PTPRD: variants seen among roughly 807,000 people sequenced by gnomAD.
PTPRD encodes the protein protein tyrosine phosphatase receptor type D, also known as receptor-type tyrosine-protein phosphatase delta.
A neutral mutation model predicts 214.5 loss-of-function variants in PTPRD; 34 were observed. The ratio of observed to expected loss-of-function variants is 0.16; its 90% CI spans 0.12 to 0.21. The LOEUF is 0.21. PTPRD is among the 10% of genes least tolerant of loss of function. The probability of loss-of-function intolerance (pLI) is 1.00; values close to 1 mark genes in which losing one functional copy is unlikely to be tolerated. For missense variants in PTPRD, 2,545 were observed against 2,398.7 expected (o/e 1.06, Z -1.27); for synonymous variants, 1,128 against 845.7 (o/e 1.33, Z -5.79).
intron 43 of PTPRD, among the ~76,000 whole-genome samples, chr9:8,334,027 C>G (rs2131849652): frequency 6.6e-6 from 1 of 152,200 alleles, no homozygotes; most frequent in East Asian, 1.9e-4. Flanking sequence ...CACCCAGATT[C>G]ATAAAATAAA....
Position 8,947,004 on chromosome 9 carries a change from GTC to G in PTPRD, c.-104+71691_-104+71692del, listed in dbSNP as rs2099069070. Among the ~76,000 whole-genome samples the G allele has an allele frequency of 4.0e-5, 5 of 125,408 alleles. No homozygotes were observed. In the South Asian group the frequency reaches 1.3e-3, roughly 34 times the overall value. 82.3% of individuals were successfully genotyped at this position (125,408 alleles called of 152,430 possible). On this transcript the variant is annotated intron_variant, in intron 11 of 45. Coordinates refer to ENST00000381196, the MANE Select transcript of PTPRD (RefSeq NM_002839.4). ...TTTCTTTCTCAAGCTTTCTATCTCT[GTC>G]TCTCTGTATTTTTTTTTCTTTTCTT...
intron 2 of PTPRD, among the ~76,000 whole-genome samples, chr9:10,510,619 A>G (rs1316042170): frequency 6.6e-6 from 1 of 152,142 alleles, no homozygotes; most frequent in Non-Finnish European, 1.5e-5. Context: ...AGTACACATT[A>G]TATTTTAACA....
intron 8 of PTPRD, among the ~76,000 whole-genome samples, chr9:9,558,492 T>G (rs574850646): frequency 5.9e-5 from 9 of 152,276 alleles, no homozygotes; most frequent in South Asian, 4.1e-4. Context: ...CCATACAAAC[T>G]TTGGGTACAC....
intron 11 of PTPRD, among the ~76,000 whole-genome samples, chr9:8,808,555 G>C (rs1019795261): frequency 7.1e-6 from 1 of 141,770 alleles, no homozygotes; most frequent in Non-Finnish European, 1.5e-5. Flanking sequence ...AAAGCCCAGA[G>C]ACACTCAATA....
chr9:10,410,270 T>C (rs140437203), intron 2 of PTPRD, among the ~76,000 whole-genome samples: 3,239 of 139,826 alleles, frequency 0.023, 118 homozygotes, highest in East Asian at 0.084. Context: ...TATATATATA[T>C]ACACACACAC....
chr9:9,422,625 G>A (rs532129385), intron 8 of PTPRD, among the ~76,000 whole-genome samples: 2 of 152,118 alleles, frequency 1.3e-5, no homozygotes, highest in Non-Finnish European at 2.9e-5. Flanking sequence ...TAGAGACAGT[G>A]ATGTCAGATA....
intron 7 of PTPRD, among the ~76,000 whole-genome samples, chr9:9,681,294 T>A (rs1349695099): frequency 6.6e-6 from 1 of 151,748 alleles, no homozygotes; most frequent in Non-Finnish European, 1.5e-5. Flanking sequence ...GTTTGTCTCA[T>A]CAACTCTGTG....
chr9:9,308,865 A>G (rs1411244452), intron 9 of PTPRD, among the ~76,000 whole-genome samples: 1 of 152,164 alleles, frequency 6.6e-6, no homozygotes, highest in East Asian at 1.9e-4. Flanking sequence ...GCTGGTTAAT[A>G]AGCATTAGAG....
chr9:8,942,811 A>T (rs568204546), intron 11 of PTPRD, among the ~76,000 whole-genome samples: 42 of 152,116 alleles, frequency 2.8e-4, no homozygotes, highest in Admixed American at 7.2e-4. Context: ...ACAATTTTTT[A>T]AAAAAAATTT....
At chr9:8,414,077 T>C (rs1246094784) in intron 35 of PTPRD, among the ~76,000 whole-genome samples, 1 of 152,158 alleles carries the variant, frequency 6.6e-6, no homozygotes, top group Non-Finnish European at 1.5e-5. Flanking sequence ...TAAGATACAT[T>C]ACAGGTAGGA....
At chr9:9,985,665 T>C (rs1304374154) in intron 4 of PTPRD, among the ~76,000 whole-genome samples, 1 of 152,094 alleles carries the variant, frequency 6.6e-6, no homozygotes, top group Non-Finnish European at 1.5e-5. Context: ...TTCATTATTT[T>C]ATGAAACAAT....
rs117176566 is a variant in PTPRD, at chr9:9,770,324, T to C, written c.-367-3473A>G. 8.0e-4 allele frequency among the ~76,000 whole-genome samples: 122 copies of C among 152,322 alleles called. 1 individual carries two copies. The highest frequency in any genetic ancestry group is 1.3e-3 in the Non-Finnish European group (91 of 68,018). On this transcript the variant is annotated intron_variant, in intron 5 of 45. Coordinates refer to ENST00000381196, the MANE Select transcript of PTPRD (RefSeq NM_002839.4). ...TTCTTACAGCGTGAGAGAAATTTTA[T>C]ATTACATCACAATTTAACAAGTAAC... is the stretch of plus-strand genomic sequence containing the variant.
intron 14 of PTPRD, among the ~76,000 whole-genome samples, chr9:8,620,437 G>A (rs1335994972): frequency 6.6e-6 from 1 of 152,004 alleles, no homozygotes; most frequent in Non-Finnish European, 1.5e-5. Context: ...AGACTTTAGA[G>A]CTAGTTTACA....
chr9:9,901,771 T>C (rs1461630758), intron 5 of PTPRD, among the ~76,000 whole-genome samples: 1 of 152,092 alleles, frequency 6.6e-6, no homozygotes, highest in Non-Finnish European at 1.5e-5. Context: ...GAGGCATGGC[T>C]GGGGAGGCCC....
chr9:9,613,122 G>GTATATA lies in PTPRD; in HGVS notation c.-286-38342_-286-38341insTATATA, dbSNP rs1331223781. Among the ~76,000 whole-genome samples the GTATATA allele has an allele frequency of 4.7e-4, 32 of 68,140 alleles. 1 individual carries two copies. Among genetic ancestry groups the GTATATA allele is most frequent in the African/African-American group, 2.7e-3 (32 of 11,734 alleles). The allele number at this position is 68,140 out of a possible 152,430, so 44.7% of individuals were successfully genotyped here. On this transcript the variant is annotated intron_variant, in intron 7 of 45. Transcript: ENST00000381196. ...CCATACATATAATAGCTAGGCTGCA[G>GTATATA]TATACATACATACATATATATATAT...
At chr9:10,366,051 G>T (rs1473608561) in intron 2 of PTPRD, among the ~76,000 whole-genome samples, 1 of 152,186 alleles carries the variant, frequency 6.6e-6, no homozygotes, top group African/African-American at 2.4e-5. Flanking sequence ...GTTCAACATA[G>T]ATTTCATTAT....
At chr9:10,517,683 T>A (rs1336446772) in intron 2 of PTPRD, among the ~76,000 whole-genome samples, 1 of 152,168 alleles carries the variant, frequency 6.6e-6, no homozygotes, top group African/African-American at 2.4e-5. Flanking sequence ...ACACCTCTCA[T>A]TTGTGTATAA....
chr9:9,440,476 G>C (rs1280362568), intron 8 of PTPRD, among the ~76,000 whole-genome samples: 1 of 152,156 alleles, frequency 6.6e-6, no homozygotes, highest in Non-Finnish European at 1.5e-5. Flanking sequence ...GTGTCTAGGA[G>C]AGTCAATAGA....
At chr9:10,138,673 T>A (rs940392328) in intron 3 of PTPRD, among the ~76,000 whole-genome samples, 2 of 152,034 alleles carry the variant, frequency 1.3e-5, no homozygotes, top group African/African-American at 2.4e-5. Context: ...GCAAACTGAA[T>A]CCAGCAGCAC....
Sources: gnomAD v4.1 joint callset for allele counts (sites outside exome capture counted in the v4.1 genomes callset) on GRCh38, gnomAD v4.1.1 for gene constraint, MANE v1.5 for transcripts, NCBI Gene and HGNC (gene_info 2026-07-23, HGNC 2026-07-21) for gene names.